Variants in MECOM observed in about 807,000 individuals in gnomAD.
The protein encoded by MECOM is MDS1 and EVI1 complex locus, also known as histone-lysine N-methyltransferase MECOM.
In MECOM, 13 loss-of-function variants were observed where a neutral mutation model predicts 116.3. That is an observed-to-expected ratio of 0.11 (90% CI 0.07 to 0.18). The LOEUF (loss-of-function observed/expected upper bound fraction) is 0.18, where lower values mean the gene tolerates loss of function less well. Ranked by LOEUF, MECOM falls within the 10% of genes least tolerant of loss-of-function variation. The pLI, the probability that MECOM is intolerant of heterozygous loss-of-function variation, is 1.00. For missense variants in MECOM, 1,299 were observed against 1,509.0 expected, an observed-to-expected ratio of 0.86 and a Z score of 2.31; for synonymous variants, 528 against 535.2, an observed-to-expected ratio of 0.99 and a Z score of 0.19.
chr3:169,096,231 A>G (rs984595694), intron 12 of MECOM, among the ~76,000 whole-genome samples: 4 of 150,652 alleles, frequency 2.7e-5, no homozygotes, highest in Admixed American at 2.6e-4. Flanking sequence ...TTTGGGGGGC[A>G]TGTTACTTGA....
intron 1 of MECOM, among the ~76,000 whole-genome samples, chr3:169,535,668 T>C (rs941284323): frequency 1.3e-5 from 2 of 152,224 alleles, no homozygotes; most frequent in African/African-American, 2.4e-5. Context: ...TCTTCCTTTA[T>C]TTATAGCCTA....
At chr3:169,224,397 A>C (rs572477536) in intron 2 of MECOM, among the ~76,000 whole-genome samples, 1 of 152,314 alleles carries the variant, frequency 6.6e-6, no homozygotes, top group African/African-American at 2.4e-5. Context: ...CACAACGTAA[A>C]CCCAAATGAG....
At chr3:169,356,605 A>G (rs1241063520) in intron 2 of MECOM, among the ~76,000 whole-genome samples, 1 of 151,892 alleles carries the variant, frequency 6.6e-6, no homozygotes, top group Non-Finnish European at 1.5e-5. Flanking sequence ...GAATTTTTTG[A>G]ATCACTAAAC....
chr3:169,171,737 T>G (rs191678164), intron 2 of MECOM, among the ~76,000 whole-genome samples: 1 of 152,022 alleles, frequency 6.6e-6, no homozygotes. Context: ...TCCTCAACTA[T>G]TGTAAAATGG....
chr3:169,597,907 T>C (rs922805154), intron 1 of MECOM, among the ~76,000 whole-genome samples: 1 of 152,212 alleles, frequency 6.6e-6, no homozygotes, highest in Non-Finnish European at 1.5e-5. Flanking sequence ...TAAACATGGA[T>C]GGTGGTCCAC....
chr3:169,659,535 C>T lies in MECOM; in HGVS notation c.37+3801G>A, dbSNP rs571156302. ...CCAAGTGCCAAATGCAATAAAGAAG[C>T]CCTAAGCCCGGGTAATGGTCAAGTA... On this transcript the variant is annotated intron_variant, in intron 1 of 16. Transcript: ENST00000651503. Among the ~76,000 whole-genome samples the T allele has an allele frequency of 3.7e-5, 5 of 135,148 alleles. No individual in the cohort carries two copies. In the South Asian group the frequency reaches 1.1e-3, roughly 31 times the overall value. 88.7% of individuals were successfully genotyped at this position (135,148 alleles called of 152,430 possible).
intron 2 of MECOM, among the ~76,000 whole-genome samples, chr3:169,184,235 G>C (rs1244195833): frequency 6.6e-6 from 1 of 152,128 alleles, no homozygotes; most frequent in South Asian, 2.1e-4. Context: ...ACAAGAGTAA[G>C]ATTTGTGTTG....
chr3:169,294,744 T>C (rs1447904430), intron 2 of MECOM, among the ~76,000 whole-genome samples: 1 of 152,158 alleles, frequency 6.6e-6, no homozygotes, highest in Non-Finnish European at 1.5e-5. Flanking sequence ...CAGTCAATCA[T>C]TGACTCTCAG....
At chr3:169,453,561 CT>C (rs1745961064) in intron 1 of MECOM, among the ~76,000 whole-genome samples, 1 of 152,130 alleles carries the variant, frequency 6.6e-6, no homozygotes, top group Non-Finnish European at 1.5e-5. Flanking sequence ...AGGAGTACTT[CT>C]TTACTAAATT....
At chr3:169,178,950 T>G (rs1199045789) in intron 2 of MECOM, among the ~76,000 whole-genome samples, 1 of 152,172 alleles carries the variant, frequency 6.6e-6, no homozygotes, top group African/African-American at 2.4e-5. Flanking sequence ...AATTACAGTT[T>G]GTTAAGTAAA....
chr3:169,313,204 A>G (rs576519209), intron 2 of MECOM, among the ~76,000 whole-genome samples: 1 of 152,390 alleles, frequency 6.6e-6, no homozygotes, highest in African/African-American at 2.4e-5. Context: ...AGGATTGGCC[A>G]TTGGATTTGG....
chr3:169,328,476 A>G (rs951435323), intron 2 of MECOM, among the ~76,000 whole-genome samples: 1 of 152,228 alleles, frequency 6.6e-6, no homozygotes, highest in Non-Finnish European at 1.5e-5. Flanking sequence ...TTGTCATCAT[A>G]TAACTGAACT....
chr3:169,462,241 C>G (rs1184276825), intron 1 of MECOM, among the ~76,000 whole-genome samples: 2 of 152,130 alleles, frequency 1.3e-5, no homozygotes, highest in African/African-American at 2.4e-5. Context: ...AAGGTAACAG[C>G]TCAACATGCC....
chr3:169,626,586 G>A (rs983093668), intron 1 of MECOM, among the ~76,000 whole-genome samples: 1 of 152,176 alleles, frequency 6.6e-6, no homozygotes, highest in Non-Finnish European at 1.5e-5. Flanking sequence ...GGTTTGCCCA[G>A]GGCCTGACCT....
intron 1 of MECOM, among the ~76,000 whole-genome samples, chr3:169,415,410 T>C (rs954847127): frequency 6.6e-6 from 1 of 152,128 alleles, no homozygotes; most frequent in Non-Finnish European, 1.5e-5. Context: ...AAAAAACTGG[T>C]ACCAGCCACT....
At chr3:169,499,346 CAAAAAA>C (rs60302997) in intron 1 of MECOM, among the ~76,000 whole-genome samples, 3 of 51,568 alleles carry the variant, frequency 5.8e-5, no homozygotes, top group South Asian at 9.4e-4. Context: ...AGATTACCCA[CAAAAAA>C]AAAAAAAAAA....
chr3:169,108,593 G>A (rs1294199920), intron 9 of MECOM, among the ~76,000 whole-genome samples: 2 of 152,056 alleles, frequency 1.3e-5, no homozygotes, highest in Non-Finnish European at 2.9e-5. Context: ...AGTTATATAC[G>A]CTTAAAAATA....
intron 1 of MECOM, among the ~76,000 whole-genome samples, chr3:169,429,963 T>TG (rs1741345517): frequency 6.6e-6 from 1 of 152,156 alleles, no homozygotes; most frequent in South Asian, 2.1e-4. Context: ...TAGCTTGACT[T>TG]GTACTTTGCA....
intron 1 of MECOM, among the ~76,000 whole-genome samples, chr3:169,566,658 GCT>G (rs1054525731): frequency 3.3e-5 from 5 of 152,112 alleles, no homozygotes; most frequent in Non-Finnish European, 7.4e-5. Flanking sequence ...TGGATCCCAT[GCT>G]CCCTGCAGCC....
Sources: allele counts gnomAD v4.1 joint callset (sites outside exome capture counted in the v4.1 genomes callset), GRCh38; gene constraint gnomAD v4.1.1; transcripts MANE v1.5; gene names NCBI Gene and HGNC (gene_info 2026-07-23, HGNC 2026-07-21).